Variants in ERC1 observed in about 807,000 individuals in gnomAD.
ERC1 encodes ELKS/RAB6-interacting/CAST family member 1, also known as RAB6 interacting protein 2.
Under a neutral mutation model 132.0 loss-of-function variants are expected in ERC1, and 56 were observed. That is an observed-to-expected ratio of 0.42 (90% CI 0.34 to 0.53). The LOEUF (loss-of-function observed/expected upper bound fraction) is 0.53. Among genes scored for constraint, ERC1 ranks in the 20% least tolerant of loss-of-function variants. The pLI is 0.03. For missense variants in ERC1, 1,202 were observed against 1,349.9 expected, an observed-to-expected ratio of 0.89 and a Z score of 1.72; for synonymous variants, 478 against 476.1, an observed-to-expected ratio of 1.00 and a Z score of -0.05.
rs544274681 is a variant in ERC1 at position 1,106,658 on chromosome 12, C to T, written c.1161+1834C>T. ...TAATCTTGTAAAGGGCCTTTAGAAT[C>T]GTTCAGTTGCATGGTTTTACCCTTT... On this transcript the variant is annotated intron_variant, in intron 4 of 18. Coordinates refer to ENST00000360905, the MANE Select transcript of ERC1 (RefSeq NM_178040.4). Among the ~76,000 whole-genome samples the T allele has an allele frequency of 6.6e-5, 10 of 151,840 alleles. 1 individual carries two copies. In the South Asian group the frequency reaches 1.7e-3, roughly 25 times the overall value.
rs1485623378 is a variant in ERC1, at chr12:1,354,388, TG to T, written c.2781-17443del. ...AATTAGAAAAACCAGCTGGGCATGGTGGCAGGCACCTGTAACACCAGCTACT... is the reference window on the plus strand; with the variant it reads ...AATTAGAAAAACCAGCTGGGCATGGTGCAGGCACCTGTAACACCAGCTACT... On this transcript the variant is annotated intron_variant, in intron 15 of 18. Transcript: ENST00000360905. 3.3e-5 allele frequency among the ~76,000 whole-genome samples: 5 copies of T among 151,968 alleles called. No individual in the cohort carries two copies. The East Asian group carries it at 9.7e-4, about 29-fold the overall frequency.
chr12:1,062,725 T>C (rs752795555), intron 2 of ERC1, among the ~76,000 whole-genome samples: 10 of 152,212 alleles, frequency 6.6e-5, no homozygotes, highest in Non-Finnish European at 1.2e-4. Flanking sequence ...GTTAGTTCCA[T>C]TTGGTCCATA....
chr12:998,362 T>C (rs1961391936), intron 1 of ERC1: 1 of 152,210 alleles, frequency 6.6e-6, no homozygotes, highest in Non-Finnish European at 1.5e-5. Flanking sequence ...TTGGCACCTA[T>C]GATTCAGGGT....
chr12:1,097,815 A>C (rs1006868170), intron 3 of ERC1, among the ~76,000 whole-genome samples: 12 of 151,634 alleles, frequency 7.9e-5, no homozygotes, highest in African/African-American at 2.7e-4. Context: ...CCCAGGTTCA[A>C]GCGATTCTCC....
At chr12:1,337,395 C>T (rs1318726263) in intron 15 of ERC1, among the ~76,000 whole-genome samples, 2 of 150,026 alleles carry the variant, frequency 1.3e-5, no homozygotes, top group African/African-American at 4.9e-5. Context: ...CTGTTTGCTT[C>T]GTAGATTTTT....
chr12:1,040,108 T>C (rs546000528), intron 2 of ERC1, among the ~76,000 whole-genome samples: 2 of 152,330 alleles, frequency 1.3e-5, no homozygotes, highest in South Asian at 2.1e-4. Flanking sequence ...TTGGAGATCA[T>C]GTACCTACCT....
At position 1,030,456 on chromosome 12, in the gene ERC1, C is replaced by T. The variant is rs562250313; in HGVS notation, c.669+1884C>T. Among the ~76,000 whole-genome samples the T allele has an allele frequency of 4.0e-3, 608 of 152,276 alleles. 4 individuals are homozygous for T. The highest frequency in any genetic ancestry group is 7.0e-3 in the Non-Finnish European group (475 of 68,014). On this transcript the variant is annotated intron_variant, in intron 2 of 18. Transcript: ENST00000360905. ...ATATAGTGTTAGCCAGGTGTGGTAGCTCGCACCTGTACTCCCAGCACTTTG... is the reference window on the plus strand; with the variant it reads ...ATATAGTGTTAGCCAGGTGTGGTAGTTCGCACCTGTACTCCCAGCACTTTG...
At chr12:1,201,622 T>C (rs1238277897) in intron 12 of ERC1, among the ~76,000 whole-genome samples, 1 of 152,254 alleles carries the variant, frequency 6.6e-6, no homozygotes, top group Non-Finnish European at 1.5e-5. Context: ...TATCCCATTA[T>C]ATTCAGGCAT....
intron 13 of ERC1, among the ~76,000 whole-genome samples, chr12:1,238,326 C>T (rs970431769): frequency 9.9e-5 from 15 of 151,854 alleles, no homozygotes; most frequent in African/African-American, 3.1e-4. Flanking sequence ...GGTTTTCCTC[C>T]CATGGATTTT....
At chr12:1,304,487 G>A (rs111232577) in intron 15 of ERC1, among the ~76,000 whole-genome samples, 279 of 152,326 alleles carry the variant, frequency 1.8e-3, no homozygotes, top group African/African-American at 6.2e-3. Context: ...TACCTCTGAG[G>A]TTTAGAGATA....
At chr12:1,138,869 T>C (rs1435807584) in intron 7 of ERC1, among the ~76,000 whole-genome samples, 1 of 152,078 alleles carries the variant, frequency 6.6e-6, no homozygotes, top group African/African-American at 2.4e-5. Context: ...TGGTTAAGAG[T>C]GTGGGGTCTG....
At chr12:1,025,925 T>C (rs1337364157) in intron 1 of ERC1, among the ~76,000 whole-genome samples, 1 of 151,526 alleles carries the variant, frequency 6.6e-6, no homozygotes, top group Non-Finnish European at 1.5e-5. Context: ...GCCTCCTGAG[T>C]GGCTGGGATT....
chr12:1,264,027 G>A (rs555970383), intron 14 of ERC1, among the ~76,000 whole-genome samples: 4 of 152,022 alleles, frequency 2.6e-5, no homozygotes, highest in Admixed American at 6.5e-5. Context: ...ACTGAAAAAC[G>A]TTAATTTCAA....
At chr12:1,313,981 C>G (rs959701666) in intron 15 of ERC1, among the ~76,000 whole-genome samples, 30 of 151,858 alleles carry the variant, frequency 2.0e-4, no homozygotes, top group Non-Finnish European at 4.4e-5. Flanking sequence ...GAGACTCTGT[C>G]TAAAAACATA....
At chr12:993,968 C>G (rs895088601) in intron 1 of ERC1, among the ~76,000 whole-genome samples, 4 of 147,470 alleles carry the variant, frequency 2.7e-5, no homozygotes, top group Non-Finnish European at 5.9e-5. Context: ...ACTCAGGAAG[C>G]TGAGGCAGGA....
At chr12:1,333,804 C>CT (rs2083082919) in intron 15 of ERC1, among the ~76,000 whole-genome samples, 1 of 152,116 alleles carries the variant, frequency 6.6e-6, no homozygotes, top group Admixed American at 6.6e-5. Context: ...GTATTTCTGT[C>CT]TTTAGTTCTT....
chr12:1,100,161 T>A (rs1944506449), intron 3 of ERC1, among the ~76,000 whole-genome samples: 1 of 152,008 alleles, frequency 6.6e-6, no homozygotes, highest in African/African-American at 2.4e-5. Context: ...ACTTTGACTT[T>A]TGAACAGACT....
At position 1,028,159 on chromosome 12, in the gene ERC1, A is replaced by G. The variant is rs1967218511; in HGVS notation, c.256A>G (p.Lys86Glu). 3 of 1,614,222 alleles carry G rather than the reference A, an allele frequency of 1.9e-6. No individual in the cohort carries two copies. Among genetic ancestry groups the G allele is most frequent in the Non-Finnish European group, 2.5e-6 (3 of 1,180,038 alleles). ...DHENVGSETP[K>E]STMTLGRSGG... The stretch of plus-strand genomic sequence containing the variant: ...TGAAAATGTGGGTTCAGAAACACCT[A>G]AAAGCACCATGACACTTGGCCGTTC... The change falls in exon 2 of 19, where the codon AAA (lysine) becomes GAA (glutamate). Residue 86 changes from lysine (K) to glutamate (E), a missense_variant. Transcript: ENST00000360905.
In ERC1 at chr12:1,342,468, CA is replaced by C. The variant is rs567114711; in HGVS notation, c.2781-29351del. Among the ~76,000 whole-genome samples, 495 of 113,370 alleles carry C rather than the reference CA, an allele frequency of 4.4e-3. 3 individuals are homozygous for C. Among genetic ancestry groups the C allele is most frequent in the Non-Finnish European group, 5.5e-3 (302 of 54,936 alleles). 74.4% of individuals were successfully genotyped at this position (113,370 alleles called of 152,430 possible). A position where few individuals can be genotyped will look rare whatever the true frequency, so the allele number is the denominator to read the frequency against. On this transcript the variant is annotated intron_variant, in intron 15 of 18. Coordinates refer to ENST00000360905, the MANE Select transcript of ERC1 (RefSeq NM_178040.4). ...GGCGACAAAGAGCGAAACTCTGTCT[CA>C]AAAAAAAAAAAAACAAAAAAAAGAT...
Sources: allele counts gnomAD v4.1 joint callset (sites outside exome capture counted in the v4.1 genomes callset), GRCh38; gene constraint gnomAD v4.1.1; transcripts MANE v1.5; gene names NCBI Gene and HGNC (gene_info 2026-07-23, HGNC 2026-07-21).